The following SLC30A9 variants were observed in gnomAD, a reference collection of about 807,000 sequenced individuals.
The protein encoded by SLC30A9 is proton-coupled zinc antiporter SLC30A9, mitochondrial.
A neutral mutation model predicts 87.5 loss-of-function variants in SLC30A9; 58 were observed. The ratio of observed to expected loss-of-function variants is 0.66; its 90% CI spans 0.54 to 0.82. The LOEUF (loss-of-function observed/expected upper bound fraction) is 0.82, where lower values mean the gene tolerates loss of function less well. Ranked by LOEUF, SLC30A9 falls within the 40% of genes least tolerant of loss-of-function variation. The probability of loss-of-function intolerance (pLI) is 0.00; values close to 1 mark genes in which losing one functional copy is unlikely to be tolerated. For synonymous variants in SLC30A9, 234 were observed against 233.0 expected (o/e 1.00, Z -0.04); for missense variants, 557 against 679.1 (o/e 0.82, Z 2.00).
At chr4:42,050,682 C>G (rs1717349063) in intron 9 of SLC30A9, among the ~76,000 whole-genome samples, 1 of 152,148 alleles carries the variant, frequency 6.6e-6, no homozygotes. Context: ...GACAGACTAA[C>G]AGGGATTGAG....
Position 42,088,825 on chromosome 4 carries a change from C to CA in SLC30A9, c.*2700dup, listed in dbSNP as rs1381746674. 7 of 152,206 alleles carry CA rather than the reference C, an allele frequency of 4.6e-5. No homozygotes were observed. Among genetic ancestry groups the CA allele is most frequent in the African/African-American group, 1.2e-4 (5 of 41,430 alleles). 9.4% of individuals were successfully genotyped at this position (152,206 alleles called of 1,614,324 possible). ...TCCAAAGCATATCAGCATCTGTAGT[C>CA]ACAGCTACTTGGGAGGCCGAGGTGG... is the stretch of plus-strand genomic sequence containing the variant. On this transcript the variant is annotated 3_prime_UTR_variant, in exon 18 of 18. Transcript: ENST00000264451.
chr4:42,009,416 C>T (rs1373343930), intron 2 of SLC30A9, among the ~76,000 whole-genome samples: 1 of 152,156 alleles, frequency 6.6e-6, no homozygotes, highest in Non-Finnish European at 1.5e-5. Flanking sequence ...CAGAGACTTG[C>T]TAAGGAATCC....
intron 17 of SLC30A9, among the ~76,000 whole-genome samples, 179 bp from the exon 18 acceptor site, chr4:42,085,903 T>G (rs954168295): frequency 6.6e-6 from 1 of 151,748 alleles, no homozygotes. Flanking sequence ...TTGTACTGTT[T>G]ATAGTATGTC....
At chr4:42,085,139 T>C (rs1718878130) in intron 17 of SLC30A9, among the ~76,000 whole-genome samples, 1 of 152,244 alleles carries the variant, frequency 6.6e-6, no homozygotes, top group African/African-American at 2.4e-5. Flanking sequence ...GCAGGCTGTC[T>C]GACTTTGCTG....
chr4:42,010,569 A>T (rs879360343), intron 2 of SLC30A9, among the ~76,000 whole-genome samples: 1 of 152,242 alleles, frequency 6.6e-6, no homozygotes, highest in Admixed American at 6.5e-5. Context: ...CAAGAAATAT[A>T]CTAAAAATTA....
At chr4:42,069,137 T>C (rs1433345688) in intron 14 of SLC30A9, among the ~76,000 whole-genome samples, 2 of 152,238 alleles carry the variant, frequency 1.3e-5, no homozygotes, top group African/African-American at 4.8e-5. Context: ...AGACTGTTTT[T>C]GAACATAAAT....
In SLC30A9 at chr4:42,086,151, T is replaced by G. The variant is rs1718917453; in HGVS notation, c.*25T>G. Reference sequence around the variant, plus strand: ...AGTTTGATGGAATGAATCACCTGGGTGGGGACCTTGGAAACAAGTTTGTCC... The same window carrying G: ...AGTTTGATGGAATGAATCACCTGGGGGGGGACCTTGGAAACAAGTTTGTCC... On this transcript the variant is annotated 3_prime_UTR_variant, in exon 18 of 18. Coordinates refer to ENST00000264451, the MANE Select transcript of SLC30A9 (RefSeq NM_006345.4). 3.5e-6 allele frequency: 5 copies of G among 1,432,910 alleles called. No individual in the cohort carries two copies. The highest frequency in any genetic ancestry group is 4.8e-6 in the Non-Finnish European group (5 of 1,048,278). 88.8% of individuals were successfully genotyped at this position (1,432,910 alleles called of 1,614,324 possible). A position where few individuals can be genotyped will look rare whatever the true frequency, so the allele number is the denominator to read the frequency against.
At chr4:42,065,401 C>G (rs750462083) in intron 12 of SLC30A9, 52 bp downstream of exon 12, 1 of 955,844 alleles carries the variant, frequency 1.0e-6, no homozygotes, top group Non-Finnish European at 1.7e-6. Context: ...AATATATATT[C>G]AGCTGTCCAT....
intron 6 of SLC30A9, among the ~76,000 whole-genome samples, chr4:42,024,805 A>G (rs1716117710): frequency 2.0e-5 from 3 of 152,176 alleles, no homozygotes; most frequent in African/African-American, 7.2e-5. Flanking sequence ...ATCTCTGACT[A>G]CTACTGAGGT....
intron 10 of SLC30A9, among the ~76,000 whole-genome samples, chr4:42,062,728 CT>C (rs2153139876): frequency 6.6e-6 from 1 of 152,252 alleles, no homozygotes; most frequent in East Asian, 1.9e-4. Context: ...AAGTAGCTCT[CT>C]AAATCAAAAT....
In SLC30A9 at chr4:42,022,665, AT is replaced by A. The variant is rs564412722; in HGVS notation, c.435-167del. Reference sequence around the variant, plus strand: ...AGAGTAATTTTTTTTCACTGTCTCTATTTTTTGTATACAAAATGTCATCTTT... The same window carrying A: ...AGAGTAATTTTTTTTCACTGTCTCTATTTTTGTATACAAAATGTCATCTTT... On this transcript the variant is annotated intron_variant, in intron 4 of 17. Transcript: ENST00000264451. Among the ~76,000 whole-genome samples the A allele has an allele frequency of 1.7e-4, 26 of 152,236 alleles. No individual in the cohort carries two copies. In the East Asian group the frequency reaches 4.8e-3, roughly 28 times the overall value.
intron 15 of SLC30A9, among the ~76,000 whole-genome samples, chr4:42,074,144 AGTTTT>A (rs898978047): frequency 5.9e-5 from 9 of 152,278 alleles, no homozygotes; most frequent in East Asian, 1.9e-4. Flanking sequence ...AATCTGAAAA[AGTTTT>A]GTTTTAACTT....
chr4:42,078,135 G>GTT, intron 16 of SLC30A9, 77 bp from the exon 17 acceptor site: 36 of 633,514 alleles, frequency 5.7e-5, no homozygotes, highest in Middle Eastern at 4.5e-4. Context: ...TTATAGGTTT[G>GTT]TTTTTTTTTA....
intron 1 of SLC30A9, 104 bp from the exon 2 acceptor site, chr4:42,001,512 G>C: frequency 1.8e-6 from 1 of 547,866 alleles, no homozygotes. Flanking sequence ...GGTATTTCAT[G>C]TGTACCTAGA....
chr4:42,039,466 CTTTT>C (rs34260301), intron 8 of SLC30A9, among the ~76,000 whole-genome samples: 2 of 141,374 alleles, frequency 1.4e-5, no homozygotes, highest in Non-Finnish European at 3.1e-5. Context: ...TTTGCCTCCT[CTTTT>C]TTTTTTTTTT....
chr4:42,034,359 CAG>C (rs1716590034), intron 6 of SLC30A9, among the ~76,000 whole-genome samples: 1 of 152,102 alleles, frequency 6.6e-6, no homozygotes, highest in African/African-American at 2.4e-5. Context: ...TGTTGTGAAA[CAG>C]ATCTTCAGAG....
chr4:42,033,455 A>C (rs1345748876), intron 6 of SLC30A9, among the ~76,000 whole-genome samples: 1 of 152,120 alleles, frequency 6.6e-6, no homozygotes, highest in East Asian at 1.9e-4. Context: ...CCTGGGCAAC[A>C]TTAGCGAGAC....
chr4:42,018,767 C>T (rs773533805), intron 3 of SLC30A9, among the ~76,000 whole-genome samples: 14 of 152,246 alleles, frequency 9.2e-5, no homozygotes, highest in Non-Finnish European at 1.5e-4. Flanking sequence ...TCCCCTATAA[C>T]GTGGTGCTGA....
intron 6 of SLC30A9, among the ~76,000 whole-genome samples, chr4:42,024,653 A>G (rs1716110632): frequency 6.6e-6 from 1 of 152,224 alleles, no homozygotes. Flanking sequence ...TCTGAAGGAA[A>G]TATGGTACCA....
Sources: allele counts gnomAD v4.1 joint callset (sites outside exome capture counted in the v4.1 genomes callset), GRCh38; gene constraint gnomAD v4.1.1; transcripts MANE v1.5; gene names NCBI Gene and HGNC (gene_info 2026-07-23, HGNC 2026-07-21).